NOP58: variants seen among roughly 807,000 people sequenced by gnomAD.
NOP58 encodes NOP58 ribonucleoprotein.
A neutral mutation model predicts 71.2 loss-of-function variants in NOP58; 44 were observed. The observed-to-expected ratio is 0.62, with a 90% CI of 0.49 to 0.79. The LOEUF (loss-of-function observed/expected upper bound fraction) is 0.79. Among genes scored for constraint, NOP58 ranks in the 30% least tolerant of loss-of-function variants. The probability of loss-of-function intolerance (pLI) is 0.00; values close to 1 mark genes in which losing one functional copy is unlikely to be tolerated. For synonymous variants in NOP58, 228 were observed against 200.3 expected (o/e 1.14, Z -1.17); for missense variants, 538 against 620.2 (o/e 0.87, Z 1.41).
At chr2:202,282,305 TA>T in intron 3 of NOP58, 45 bp from the exon 4 acceptor site, 1 of 1,562,740 alleles carries the variant, frequency 6.4e-7, no homozygotes, top group South Asian at 1.2e-5. Context: ...GTCTCAAAGT[TA>T]AAAATTTGAG....
At chr2:202,286,511 AAAC>A (rs1420621170) in intron 5 of NOP58, among the ~76,000 whole-genome samples, 1 of 152,208 alleles carries the variant, frequency 6.6e-6, no homozygotes, top group African/African-American at 2.4e-5. Flanking sequence ...TCTCAAAACA[AAAC>A]AAAAAAGAAA....
chr2:202,302,785 CA>C, intron 13 of NOP58, 135 bp from the exon 14 acceptor site: 2 of 1,238,268 alleles, frequency 1.6e-6, no homozygotes, highest in Admixed American at 4.9e-5. Flanking sequence ...AGAACCTTCC[CA>C]ATTATAAAAT....
At chr2:202,289,484 ATG>A (rs1230082755) in intron 6 of NOP58, among the ~76,000 whole-genome samples, 1 of 152,238 alleles carries the variant, frequency 6.6e-6, no homozygotes. Flanking sequence ...TATAAGGTAT[ATG>A]TGAAATGTAG....
At chr2:202,297,347 A>G (rs752871048) in intron 10 of NOP58, 32 bp from the exon 11 acceptor site, 2 of 1,593,964 alleles carry the variant, frequency 1.3e-6, no homozygotes, top group South Asian at 1.1e-5. Flanking sequence ...ACATCTGAAC[A>G]TGGAATATAG....
intron 13 of NOP58, among the ~76,000 whole-genome samples, chr2:202,302,346 T>C (rs1689109172): frequency 6.6e-6 from 1 of 152,180 alleles, no homozygotes; most frequent in African/African-American, 2.4e-5. Flanking sequence ...CGCCTCAGCC[T>C]CCCAAAGTGC....
intron 5 of NOP58, among the ~76,000 whole-genome samples, chr2:202,286,906 C>G (rs1688797135): frequency 1.3e-5 from 2 of 151,962 alleles, no homozygotes; most frequent in Admixed American, 1.3e-4. Context: ...GGAATTAGGC[C>G]CAAAATATTA....
intron 12 of NOP58, among the ~76,000 whole-genome samples, chr2:202,298,952 ATTTTTTTT>A (rs3043921): frequency 2.5e-5 from 2 of 81,434 alleles, no homozygotes; most frequent in Admixed American, 1.4e-4. Context: ...ATCCTTCAAG[ATTTTTTTT>A]TTTTTTTTTT....
intron 1 of NOP58, among the ~76,000 whole-genome samples, chr2:202,271,070 C>T (rs567078269): frequency 2.6e-4 from 39 of 151,096 alleles, no homozygotes; most frequent in African/African-American, 8.2e-4. Flanking sequence ...CGTGACAGGG[C>T]GAGACACTGT....
chr2:202,290,357 C>T lies in NOP58; in HGVS notation c.534C>T (p.Asn178=). The change falls in exon 7 of 15, where the codon AAC becomes AAT. Residue 178 remains asparagine, a synonymous_variant. Coordinates refer to ENST00000264279, the MANE Select transcript of NOP58 (RefSeq NM_015934.5). ...LLDDLDKELN[N]YIMRCREWYG... ...ATGACTTGGATAAAGAACTAAACAA[C>T]TACATTATGCGATGTAGAGAATGGT... is the stretch of plus-strand genomic sequence containing the variant. 6.2e-7 allele frequency: 1 copy of T among 1,608,090 alleles called. No homozygotes were observed. The highest frequency in any genetic ancestry group is 1.1e-5 in the South Asian group (1 of 90,268).
At chr2:202,292,710 T>C (rs757092456) in intron 8 of NOP58, 67 bp from the exon 9 acceptor site, 210 of 1,351,318 alleles carry the variant, frequency 1.6e-4, no homozygotes, top group Non-Finnish European at 2.0e-4. Context: ...CTCCAGTGTT[T>C]TAGACAGGAA....
At position 202,286,499 on chromosome 2, in the gene NOP58, C is replaced by T. The variant is rs186339086; in HGVS notation, c.435-1161C>T. On this transcript the variant is annotated intron_variant, in intron 5 of 14. Transcript: ENST00000264279. Reference sequence around the variant, plus strand: ...CAGCCTGGGTGACAGAGTAAGACTCCGTCTCAAAACAAAACAAAAAAGAAA... The same window carrying T: ...CAGCCTGGGTGACAGAGTAAGACTCTGTCTCAAAACAAAACAAAAAAGAAA... Among the ~76,000 whole-genome samples, 50 of 152,084 alleles carry T rather than the reference C, an allele frequency of 3.3e-4. 1 individual carries two copies. Among genetic ancestry groups the T allele is most frequent in the Admixed American group, 7.9e-4 (12 of 15,262 alleles).
chr2:202,280,635 AT>A (rs5837813), intron 3 of NOP58, among the ~76,000 whole-genome samples: 34,120 of 146,360 alleles, frequency 0.23, 5,766 homozygotes, highest in African/African-American at 0.48. Context: ...CCTGGCCATC[AT>A]TTTTTTTTTT....
At chr2:202,303,079 G>A (rs757441484) in intron 14 of NOP58, 22 bp downstream of exon 14, 29 of 1,602,790 alleles carry the variant, frequency 1.8e-5, no homozygotes, top group East Asian at 6.7e-5. Context: ...TTTAATTATC[G>A]GTTTTCACTT....
intron 2 of NOP58, among the ~76,000 whole-genome samples, chr2:202,277,654 G>T (rs148816564): frequency 2.0e-5 from 3 of 152,188 alleles, no homozygotes; most frequent in East Asian, 3.9e-4. Flanking sequence ...AGTCATCTCT[G>T]TACAGCTTTA....
intron 13 of NOP58, among the ~76,000 whole-genome samples, chr2:202,300,570 T>G (rs1178146460): frequency 6.6e-6 from 1 of 152,224 alleles, no homozygotes; most frequent in African/African-American, 2.4e-5. Flanking sequence ...TGTGAGAAGT[T>G]TAGTCAAATT....
intron 2 of NOP58, 46 bp downstream of exon 2, chr2:202,275,235 T>C (rs1424923414): frequency 3.2e-6 from 3 of 947,022 alleles, no homozygotes; most frequent in Admixed American, 2.4e-5. Flanking sequence ...CATTTAGGGC[T>C]TGTTTTATTT....
intron 3 of NOP58, among the ~76,000 whole-genome samples, chr2:202,281,173 C>T (rs1431008203): frequency 1.3e-5 from 2 of 150,024 alleles, no homozygotes; most frequent in African/African-American, 4.9e-5. Flanking sequence ...GCTCTTGTCA[C>T]TTAGGCTGGA....
intron 4 of NOP58, 121 bp from the exon 5 acceptor site, chr2:202,284,224 G>A: frequency 1.3e-6 from 1 of 742,694 alleles, no homozygotes; most frequent in Non-Finnish European, 2.1e-6. Flanking sequence ...AGTGAGCCAA[G>A]ATTGCGCCAC....
chr2:202,303,590 C>A lies in NOP58; in HGVS notation c.*154C>A, dbSNP rs1000872436. On this transcript the variant is annotated 3_prime_UTR_variant, in exon 15 of 15. Coordinates refer to ENST00000264279, the MANE Select transcript of NOP58 (RefSeq NM_015934.5). ...ACTTCAAACCTATTTGTCTTGACAT[C>A]AACTCTGTTAACCTTATGTCATCAT... 8.7e-6 allele frequency: 8 copies of A among 917,588 alleles called. No individual in the cohort carries two copies. The highest frequency in any genetic ancestry group is 7.2e-4 in the Middle Eastern group (2 of 2,766). The allele number at this position is 917,588 out of a possible 1,614,324, so 56.8% of individuals were successfully genotyped here.
Sources: allele counts gnomAD v4.1 joint callset (sites outside exome capture counted in the v4.1 genomes callset), GRCh38; gene constraint gnomAD v4.1.1; transcripts MANE v1.5; gene names NCBI Gene and HGNC (gene_info 2026-07-23, HGNC 2026-07-21).